Variants in INSR observed in about 807,000 individuals in gnomAD.
INSR encodes insulin receptor.
Under a neutral mutation model 142.6 loss-of-function variants are expected in INSR, and 67 were observed. That is an observed-to-expected ratio of 0.47 (90% CI 0.39 to 0.58). The LOEUF (loss-of-function observed/expected upper bound fraction) is 0.58. INSR is among the 20% of genes least tolerant of loss of function. The pLI, the probability that INSR is intolerant of heterozygous loss-of-function variation, is 0.00. For synonymous variants in INSR, 756 were observed against 743.1 expected (o/e 1.02, Z -0.28); for missense variants, 1,248 against 1,833.2 (o/e 0.68, Z 5.83).
chr19:7,124,000 T>C (rs1203359540), intron 17 of INSR, among the ~76,000 whole-genome samples: 1 of 151,794 alleles, frequency 6.6e-6, no homozygotes, highest in African/African-American at 2.4e-5. Flanking sequence ...GGCAGGCGGA[T>C]CATGAGGTCA....
intron 19 of INSR, 146 bp from the exon 20 acceptor site, chr19:7,120,895 A>C: frequency 3.2e-6 from 3 of 924,684 alleles, no homozygotes; most frequent in Non-Finnish European, 5.2e-6. Flanking sequence ...CAAATCCAGT[A>C]AGAATGGATT....
At chr19:7,137,555 A>G in intron 13 of INSR, among the ~76,000 whole-genome samples, 1 of 152,222 alleles carries the variant, frequency 6.6e-6, no homozygotes, top group Non-Finnish European at 1.5e-5. Flanking sequence ...TGGGATGCCA[A>G]GGTGGGTGGA....
intron 1 of INSR, among the ~76,000 whole-genome samples, chr19:7,287,055 G>T (rs1227586083): frequency 2.0e-5 from 3 of 151,536 alleles, no homozygotes; most frequent in African/African-American, 7.3e-5. Context: ...TTGCTGTGTT[G>T]TCCAGGCTGA....
intron 9 of INSR, among the ~76,000 whole-genome samples, chr19:7,154,494 G>A (rs1204176221): frequency 1.3e-5 from 2 of 149,942 alleles, no homozygotes; most frequent in Non-Finnish European, 3.0e-5. Flanking sequence ...AGTAGAGATG[G>A]GGTTTCATTG....
At position 7,293,773 on chromosome 19, in the gene INSR, C is replaced by A. The variant is rs1968561439; in HGVS notation, c.100+19G>T. On this transcript the variant is annotated intron_variant, in intron 1 of 21. Coordinates refer to ENST00000302850, the MANE Select transcript of INSR (RefSeq NM_000208.4). Reference sequence around the variant, plus strand: ...CCCATCGCGGCGCTCCCCGCCCACGCCCGCGCCCCCAGACTCACCCTCTCC... The same window carrying A: ...CCCATCGCGGCGCTCCCCGCCCACGACCGCGCCCCCAGACTCACCCTCTCC... 7.5e-7 allele frequency: 1 copy of A among 1,336,854 alleles called. No individual in the cohort carries two copies. 82.8% of individuals were successfully genotyped at this position (1,336,854 alleles called of 1,614,324 possible).
At chr19:7,282,641 C>T (rs1018147544) in intron 1 of INSR, among the ~76,000 whole-genome samples, 1 of 151,610 alleles carries the variant, frequency 6.6e-6, no homozygotes, top group African/African-American at 2.4e-5. Context: ...GAGATCGTGA[C>T]ACTGCATTCC....
chr19:7,180,529 C>CAAAGAAAA lies in INSR; in HGVS notation c.974+3786_974+3787insTTTTCTTT, dbSNP rs1389502002. ...TGGGTGACAGACCAAGACCTTGTCT[C>CAAAGAAAA]AAAAAAAAAAAAAAAAGACAAAAAT... On this transcript the variant is annotated intron_variant, in intron 3 of 21. Coordinates refer to ENST00000302850, the MANE Select transcript of INSR (RefSeq NM_000208.4). Among the ~76,000 whole-genome samples, 9 of 91,910 alleles carry CAAAGAAAA rather than the reference C, an allele frequency of 9.8e-5. No homozygotes were observed. In the East Asian group the frequency reaches 2.3e-3, roughly 24 times the overall value. 60.3% of individuals were successfully genotyped at this position (91,910 alleles called of 152,430 possible).
At chr19:7,233,623 G>C (rs933499935) in intron 2 of INSR, among the ~76,000 whole-genome samples, 1 of 151,340 alleles carries the variant, frequency 6.6e-6, no homozygotes, top group Non-Finnish European at 1.5e-5. Context: ...TGCAACACTG[G>C]GTCACCCAGG....
chr19:7,205,395 T>C (rs886891989), intron 2 of INSR, among the ~76,000 whole-genome samples: 4 of 152,204 alleles, frequency 2.6e-5, no homozygotes, highest in Non-Finnish European at 4.4e-5. Flanking sequence ...CTTTCTTGCA[T>C]TGAGAAACCA....
rs1053813616 is a variant in INSR, at chr19:7,216,114, G to T, written c.653-31477C>A. Among the ~76,000 whole-genome samples the T allele has an allele frequency of 2.0e-5, 3 of 151,974 alleles. No individual in the cohort carries two copies. The highest frequency in any genetic ancestry group is 7.2e-5 in the African/African-American group (3 of 41,414). ...AAGGTGAGTGGACCACCTGAGGTCA[G>T]GAGTTCTAGATCAGCCTGACCAACA... On this transcript the variant is annotated intron_variant, in intron 2 of 21. Coordinates refer to ENST00000302850, the MANE Select transcript of INSR (RefSeq NM_000208.4). This position sits in a 1 kb window ranked among gnomAD's most constrained non-coding sequence, Gnocchi z 4.2.
chr19:7,225,707 C>CCG lies in INSR; in HGVS notation c.653-41071_653-41070insCG, dbSNP rs1555683193. Among the ~76,000 whole-genome samples, 1 of 150,316 alleles carries CCG rather than the reference C, an allele frequency of 6.7e-6. No homozygotes were observed. The highest frequency in any genetic ancestry group is 1.9e-4 in the East Asian group (1 of 5,164). On this transcript the variant is annotated intron_variant, in intron 2 of 21. Transcript: ENST00000302850. This position sits in a 1 kb window ranked among gnomAD's most constrained non-coding sequence, Gnocchi z 4.7. The stretch of plus-strand genomic sequence containing the variant: ...GGCTCTTGGTTTCCATTTCCCCCCC[C>CCG]TCAAAAAAAGAGCAGAGAATAATTG...
At chr19:7,164,586 G>A (rs1973844111) in intron 8 of INSR, among the ~76,000 whole-genome samples, 1 of 150,420 alleles carries the variant, frequency 6.6e-6, no homozygotes, top group Non-Finnish European at 1.5e-5. Context: ...GGGAAGCCGA[G>A]GCAGGCGGAT....
At chr19:7,183,278 G>T (rs1443292295) in intron 3 of INSR, among the ~76,000 whole-genome samples, 6 of 151,740 alleles carry the variant, frequency 4.0e-5, no homozygotes, top group African/African-American at 1.5e-4. Flanking sequence ...GTGTGTGTGT[G>T]TGTGTGTGTG....
intron 9 of INSR, 25 bp downstream of exon 9, chr19:7,163,007 T>A (rs1973796489): frequency 1.2e-6 from 2 of 1,612,054 alleles, no homozygotes; most frequent in Non-Finnish European, 1.7e-6. Flanking sequence ...ACCCCACCGA[T>A]CCTAGCACAG....
At chr19:7,274,582 C>T (rs1253472266) in intron 1 of INSR, among the ~76,000 whole-genome samples, 2 of 151,740 alleles carry the variant, frequency 1.3e-5, no homozygotes, top group Non-Finnish European at 2.9e-5. Context: ...GGGTGGATCA[C>T]GAGGTCAGGA....
At chr19:7,262,893 G>C (rs766141370) in intron 2 of INSR, among the ~76,000 whole-genome samples, 2 of 152,210 alleles carry the variant, frequency 1.3e-5, no homozygotes, top group African/African-American at 4.8e-5. Flanking sequence ...GTTTCAGTTT[G>C]GGAGGATGAG....
Position 7,268,745 on chromosome 19 carries a change from G to C in INSR, c.101-849C>G, listed in dbSNP as rs116864500. On this transcript the variant is annotated intron_variant, in intron 1 of 21. Coordinates refer to ENST00000302850, the MANE Select transcript of INSR (RefSeq NM_000208.4). ...AGCTATTTTGTTGTTTGTTGTTGTT[G>C]TTCTTCTTGCTGTTGTTTATTCCCC... The C allele has an allele frequency of 5.9e-3, 1,840 of 310,868 alleles. 105 individuals are homozygous for C. In the Admixed American group the frequency reaches 0.096, roughly 16 times the overall value. 19.3% of individuals were successfully genotyped at this position (310,868 alleles called of 1,614,324 possible).
intron 15 of INSR, among the ~76,000 whole-genome samples, chr19:7,128,041 T>C (rs1972687997): frequency 6.6e-6 from 1 of 151,540 alleles, no homozygotes; most frequent in South Asian, 2.1e-4. Flanking sequence ...CGTGCCCAGC[T>C]GAGAAAAATG....
At chr19:7,262,137 T>C (rs1260367666) in intron 2 of INSR, among the ~76,000 whole-genome samples, 1 of 152,118 alleles carries the variant, frequency 6.6e-6, no homozygotes, top group African/African-American at 2.4e-5. Flanking sequence ...CTCTGAAGGC[T>C]CAATCTATTC....
Sources: allele counts gnomAD v4.1 joint callset (sites outside exome capture counted in the v4.1 genomes callset), GRCh38; gene constraint gnomAD v4.1.1; non-coding constraint Gnocchi (gnomAD v3.1); transcripts MANE v1.5; gene names NCBI Gene and HGNC (gene_info 2026-07-23, HGNC 2026-07-21).